BIRC2: variants seen among roughly 807,000 people sequenced by gnomAD.
The protein encoded by BIRC2 is baculoviral IAP repeat containing 2.
Under a neutral mutation model 60.9 loss-of-function variants are expected in BIRC2, and 18 were observed. That is an observed-to-expected ratio of 0.30 (90% CI 0.20 to 0.44). BIRC2 has a LOEUF of 0.44. Ranked by LOEUF, BIRC2 falls within the 20% of genes least tolerant of loss-of-function variation. The pLI is 1.00. For synonymous variants in BIRC2, 282 were observed against 247.7 expected (o/e 1.14, Z -1.30); for missense variants, 701 against 728.5 (o/e 0.96, Z 0.43).
In BIRC2 at chr11:102,368,370, T is replaced by A. The variant is rs768020563; in HGVS notation, c.1188T>A (p.Val396=). ...EDAVMMNTPV[V]KSALEMGFNR... ...CTGTCATGATGAATACACCTGTGGTTAAATCTGCCTTGGAAATGGGCTTTA... is the reference window on the plus strand; with the variant it reads ...CTGTCATGATGAATACACCTGTGGTAAAATCTGCCTTGGAAATGGGCTTTA... The change falls in exon 6 of 9, where the codon GTT becomes GTA. Residue 396 remains valine, a synonymous_variant. Transcript: ENST00000227758. The A allele has an allele frequency of 6.2e-7, 1 of 1,614,054 alleles. No homozygotes were observed. The highest frequency in any genetic ancestry group is 8.5e-7 in the Non-Finnish European group (1 of 1,179,974).
chr11:102,374,762 C>T (rs980308116), intron 6 of BIRC2, among the ~76,000 whole-genome samples: 4 of 152,246 alleles, frequency 2.6e-5, no homozygotes, highest in Non-Finnish European at 4.4e-5. Context: ...GCCCCTCCCC[C>T]AGCCTCGCTG....
At chr11:102,360,788 T>C (rs1951477127) in intron 3 of BIRC2, among the ~76,000 whole-genome samples, 1 of 151,610 alleles carries the variant, frequency 6.6e-6, no homozygotes, top group South Asian at 2.1e-4. Flanking sequence ...TTTTTTGTTT[T>C]TTTTTTTGTG....
intron 6 of BIRC2, among the ~76,000 whole-genome samples, chr11:102,370,006 G>A (rs1256400990): frequency 1.3e-5 from 2 of 152,150 alleles, no homozygotes; most frequent in Non-Finnish European, 2.9e-5. Context: ...ACTTTTTGAT[G>A]GGGTTGTTTG....
intron 3 of BIRC2, among the ~76,000 whole-genome samples, chr11:102,359,617 C>T (rs1011820234): frequency 2.0e-5 from 3 of 152,300 alleles, no homozygotes; most frequent in East Asian, 3.9e-4. Context: ...GATACATATT[C>T]TTGTCTGGTA....
chr11:102,359,540 C>G (rs1490865431), intron 3 of BIRC2, among the ~76,000 whole-genome samples: 3 of 152,178 alleles, frequency 2.0e-5, no homozygotes, highest in Non-Finnish European at 4.4e-5. Flanking sequence ...TGGTGATAAA[C>G]TCCCTCAGCT....
In BIRC2 at chr11:102,349,630, A is replaced by G; in HGVS notation, c.-225A>G. 1 of 439,554 alleles carries G rather than the reference A, an allele frequency of 2.3e-6. No individual in the cohort carries two copies. Among genetic ancestry groups the G allele is most frequent in the Non-Finnish European group, 4.0e-6 (1 of 250,822 alleles). The allele number at this position is 439,554 out of a possible 1,614,324, so 27.2% of individuals were successfully genotyped here. Reference sequence around the variant, plus strand: ...GAACAAATAGCACTTAGGTTACCTGAAAGAGTTACTACAACCCCAAAGAGT... The same window carrying G: ...GAACAAATAGCACTTAGGTTACCTGGAAGAGTTACTACAACCCCAAAGAGT... On this transcript the variant is annotated 5_prime_UTR_variant, in exon 2 of 9. Transcript: ENST00000227758.
chr11:102,368,583 C>T (rs536766655), intron 6 of BIRC2, 35 bp downstream of exon 6: 1 of 1,603,168 alleles, frequency 6.2e-7, no homozygotes. Context: ...CATTGTTTCT[C>T]AGTGGAGCTC....
chr11:102,349,606 A>T lies in BIRC2; in HGVS notation c.-249A>T. 2 of 356,216 alleles carry T rather than the reference A, an allele frequency of 5.6e-6. No homozygotes were observed. The highest frequency in any genetic ancestry group is 1.0e-5 in the Non-Finnish European group (2 of 197,544). 22.1% of individuals were successfully genotyped at this position (356,216 alleles called of 1,614,324 possible). ...TAAGTTAGTATTACTCAAGATTATG[A>T]ACAAATAGCACTTAGGTTACCTGAA... On this transcript the variant is annotated 5_prime_UTR_variant, in exon 2 of 9. Coordinates refer to ENST00000227758, the MANE Select transcript of BIRC2 (RefSeq NM_001166.5).
intron 6 of BIRC2, among the ~76,000 whole-genome samples, chr11:102,376,275 G>T (rs942363514): frequency 9.9e-5 from 15 of 152,202 alleles, no homozygotes; most frequent in African/African-American, 3.6e-4. Context: ...AGAATAGGAG[G>T]TTTGAAGCAA....
At chr11:102,358,077 A>G (rs1951443931) in intron 3 of BIRC2, among the ~76,000 whole-genome samples, 1 of 152,104 alleles carries the variant, frequency 6.6e-6, no homozygotes, top group Admixed American at 6.6e-5. Flanking sequence ...CTGGTTACAT[A>G]CCATTGTGGT....
At chr11:102,374,961 C>A (rs926891089) in intron 6 of BIRC2, among the ~76,000 whole-genome samples, 1 of 152,206 alleles carries the variant, frequency 6.6e-6, no homozygotes, top group South Asian at 2.1e-4. Flanking sequence ...TTCTTTGACT[C>A]GGAAAGGGAA....
At chr11:102,371,254 AG>A (rs1315656574) in intron 6 of BIRC2, among the ~76,000 whole-genome samples, 1 of 121,746 alleles carries the variant, frequency 8.2e-6, no homozygotes, top group African/African-American at 3.2e-5. Flanking sequence ...CCGTTTTCAA[AG>A]GGAATGCTTC....
chr11:102,364,184 CACAGAG>C lies in BIRC2; in HGVS notation c.1123+470_1123+475del, dbSNP rs746590704. Among the ~76,000 whole-genome samples the C allele has an allele frequency of 3.2e-3, 337 of 103,798 alleles. 2 individuals carry two copies. Among genetic ancestry groups the C allele is most frequent in the Middle Eastern group, 9.0e-3 (2 of 222 alleles). The allele number at this position is 103,798 out of a possible 152,430, so 68.1% of individuals were successfully genotyped here. Reference sequence around the variant, plus strand: ...ATATATATATATATATACACACACACACAGAGAGAGAGAGAGAGAGAGAGAGAGAGA... The same window carrying C: ...ATATATATATATATATACACACACACAGAGAGAGAGAGAGAGAGAGAGAGA... On this transcript the variant is annotated intron_variant, in intron 5 of 8. Coordinates refer to ENST00000227758, the MANE Select transcript of BIRC2 (RefSeq NM_001166.5).
chr11:102,360,682 GTTTCT>G (rs1050349489), intron 3 of BIRC2, among the ~76,000 whole-genome samples: 6 of 141,286 alleles, frequency 4.2e-5, no homozygotes, highest in African/African-American at 1.3e-4. Flanking sequence ...CTAATGTCAC[GTTTCT>G]TTTTTTTTTT....
At position 102,373,558 on chromosome 11, in the gene BIRC2, C is replaced by T. The variant is rs560540349; in HGVS notation, c.1367-3938C>T. ...ATCCGTTGTTAGTCTGATGGGCTTC[C>T]CTTTGAGGGTAACCCGACCTTTCTC... On this transcript the variant is annotated intron_variant, in intron 6 of 8. Transcript: ENST00000227758. 2.5e-3 allele frequency among the ~76,000 whole-genome samples: 386 copies of T among 152,056 alleles called. 2 individuals are homozygous for T. The highest frequency in any genetic ancestry group is 6.8e-3 in the Middle Eastern group (2 of 294).
intron 3 of BIRC2, among the ~76,000 whole-genome samples, chr11:102,352,226 GC>G (rs1951372011): frequency 6.6e-6 from 1 of 151,234 alleles, no homozygotes; most frequent in East Asian, 1.9e-4. Flanking sequence ...CCATTCTCCT[GC>G]CTCAGCCTCC....
At chr11:102,358,082 T>C (rs1209578741) in intron 3 of BIRC2, among the ~76,000 whole-genome samples, 1 of 152,198 alleles carries the variant, frequency 6.6e-6, no homozygotes, top group Admixed American at 6.5e-5. Flanking sequence ...TACATACCAT[T>C]GTGGTCTGAA....
At chr11:102,360,167 A>T (rs1459062420) in intron 3 of BIRC2, among the ~76,000 whole-genome samples, 1 of 151,860 alleles carries the variant, frequency 6.6e-6, no homozygotes, top group South Asian at 2.1e-4. Context: ...GGGTTTTGCC[A>T]TGTTGGCCAG....
intron 1 of BIRC2, chr11:102,348,308 A>G (rs1429387656): frequency 6.5e-6 from 1 of 153,020 alleles, no homozygotes; most frequent in Non-Finnish European, 1.5e-5. Context: ...TAGGCCAGAA[A>G]AGGGGAGGAG....
Sources: gnomAD v4.1 joint callset for allele counts (sites outside exome capture counted in the v4.1 genomes callset) on GRCh38, gnomAD v4.1.1 for gene constraint, MANE v1.5 for transcripts, NCBI Gene and HGNC (gene_info 2026-07-23, HGNC 2026-07-21) for gene names.